The following AIG1 variants were observed in gnomAD, a reference collection of about 807,000 sequenced individuals.
AIG1 encodes the protein androgen induced 1.
A neutral mutation model predicts 31.4 loss-of-function variants in AIG1; 23 were observed. The ratio of observed to expected loss-of-function variants is 0.73; its 90% CI spans 0.53 to 1.04. The LOEUF (loss-of-function observed/expected upper bound fraction) is 1.04. Ranked by LOEUF, AIG1 falls within the 50% of genes least tolerant of loss-of-function variation. The pLI, the probability that AIG1 is intolerant of heterozygous loss-of-function variation, is 0.00. For synonymous variants in AIG1, 100 were observed against 110.5 expected, an observed-to-expected ratio of 0.90 and a Z score of 0.60; for missense variants, 274 against 295.0, an observed-to-expected ratio of 0.93 and a Z score of 0.52.
Position 143,060,981 on chromosome 6 carries a change from C to G in AIG1, c.56C>G (p.Ser19Cys). The change falls in exon 1 of 6, where the codon TCT becomes TGT. Residue 19 changes from serine (S) to cysteine (C), a missense_variant. Transcript: ENST00000357847. ...ATGGCAATCCTGCTGTCTTACTGCT[C>G]TATCCTGTGTAACTACAAGGCCATC... ...LRMAILLSYCSILCNYKAIEM... is the reference protein window; with the variant it reads ...LRMAILLSYCCILCNYKAIEM... 1.9e-6 allele frequency: 3 copies of G among 1,613,196 alleles called. No homozygotes were observed. Among genetic ancestry groups the G allele is most frequent in the Non-Finnish European group, 2.5e-6 (3 of 1,179,850 alleles).
intron 1 of AIG1, among the ~76,000 whole-genome samples, chr6:143,127,418 G>A (rs1782786539): frequency 6.6e-6 from 1 of 151,938 alleles, no homozygotes; most frequent in Admixed American, 6.6e-5. Context: ...ACAAATCTAT[G>A]GTGTTCTTTA....
intron 3 of AIG1, among the ~76,000 whole-genome samples, chr6:143,165,462 T>C (rs1405914197): frequency 1.3e-5 from 2 of 152,144 alleles, no homozygotes; most frequent in African/African-American, 2.4e-5. Context: ...ATTAGCCAAT[T>C]CTGGGATGAA....
intron 3 of AIG1, among the ~76,000 whole-genome samples, chr6:143,269,282 A>G (rs997924674): frequency 1.1e-4 from 16 of 152,262 alleles, no homozygotes; most frequent in Non-Finnish European, 5.9e-5. Context: ...TTAAAGGGCA[A>G]GCATGAGAAT....
At position 143,339,670 on chromosome 6, in the gene AIG1, G is replaced by T; in HGVS notation, c.711G>T (p.Leu237Phe). 1 of 1,613,188 alleles carries T rather than the reference G, an allele frequency of 6.2e-7. No homozygotes were observed. Among genetic ancestry groups the T allele is most frequent in the Non-Finnish European group, 8.5e-7 (1 of 1,179,610 alleles). Residue 237 changes from leucine to phenylalanine, a missense_variant, in exon 6 of 6, where the codon TTG becomes TTT. Physicochemically the swap from Leu to Phe is conservative, Grantham distance 22. Coordinates refer to ENST00000357847, the MANE Select transcript of AIG1 (RefSeq NM_016108.4). The stretch of plus-strand genomic sequence containing the variant: ...AAGAAGAGAAAGAAAAGCCTAAATT[G>T]GAATGAGATCCAAGTCTAAACGCAA... ...SMEEEKEKPK[L>F]E
At position 143,331,575 on chromosome 6, in the gene AIG1, A is replaced by G. The variant is rs1777072075; in HGVS notation, c.516-1707A>G. ...GGCTGAGTAATATTCCATTGCATGC[A>G]TATGCCACATTTGATTGTTTGTTCA... On this transcript the variant is annotated intron_variant, in intron 4 of 5. Coordinates refer to ENST00000357847, the MANE Select transcript of AIG1 (RefSeq NM_016108.4). The surrounding 1 kb of genome is among the most constrained non-coding windows in gnomAD (Gnocchi z 4.1). 6.6e-6 allele frequency among the ~76,000 whole-genome samples: 1 copy of G among 152,114 alleles called. No homozygotes were observed. The highest frequency in any genetic ancestry group is 1.5e-5 in the Non-Finnish European group (1 of 68,042).
At chr6:143,282,742 T>C (rs1251083420) in intron 3 of AIG1, among the ~76,000 whole-genome samples, 1 of 152,224 alleles carries the variant, frequency 6.6e-6, no homozygotes, top group Non-Finnish European at 1.5e-5. Context: ...TCTTAATATT[T>C]CTTACAAAAT....
At chr6:143,305,724 G>T (rs950664656) in intron 4 of AIG1, among the ~76,000 whole-genome samples, 56 of 152,264 alleles carry the variant, frequency 3.7e-4, no homozygotes, top group Non-Finnish European at 6.3e-4. Context: ...GAAGAGTTCT[G>T]TAGATGTCTA....
intron 4 of AIG1, among the ~76,000 whole-genome samples, chr6:143,323,569 T>A (rs1583871584): frequency 1.3e-5 from 2 of 152,232 alleles, no homozygotes; most frequent in African/African-American, 4.8e-5. Context: ...CTCCTTCTAT[T>A]TGAAATTGAT....
chr6:143,119,445 A>G (rs568339962), intron 1 of AIG1, among the ~76,000 whole-genome samples: 130 of 152,356 alleles, frequency 8.5e-4, no homozygotes, highest in African/African-American at 3.1e-3. Flanking sequence ...ACACAAGTCC[A>G]AAAGTGCACA....
chr6:143,116,416 A>G (rs1313477003), intron 1 of AIG1, among the ~76,000 whole-genome samples: 1 of 152,106 alleles, frequency 6.6e-6, no homozygotes, highest in Non-Finnish European at 1.5e-5. Context: ...CCATTTGGCA[A>G]GTATTTATTG....
intron 2 of AIG1, among the ~76,000 whole-genome samples, chr6:143,153,430 C>T (rs1169551532): frequency 6.6e-6 from 1 of 152,208 alleles, no homozygotes; most frequent in Non-Finnish European, 1.5e-5. Context: ...TCACTGCAAG[C>T]TCCACCTCCC....
intron 3 of AIG1, among the ~76,000 whole-genome samples, chr6:143,281,511 C>T (rs888395022): frequency 4.6e-5 from 7 of 152,134 alleles, no homozygotes; most frequent in African/African-American, 1.7e-4. Flanking sequence ...TTTCATGTAG[C>T]TGTAGTTCTA....
chr6:143,322,812 A>C (rs116505895), intron 4 of AIG1, among the ~76,000 whole-genome samples: 2 of 152,356 alleles, frequency 1.3e-5, no homozygotes, highest in Middle Eastern at 3.4e-3. Flanking sequence ...TCTGGGAGGC[A>C]TTCACAATTT....
intron 2 of AIG1, among the ~76,000 whole-genome samples, chr6:143,146,874 C>G (rs914424656): frequency 5.9e-5 from 9 of 152,154 alleles, no homozygotes; most frequent in African/African-American, 2.2e-4. Context: ...ATAGGACTTT[C>G]ATTCATTGTA....
At chr6:143,277,167 T>C (rs767924107) in intron 3 of AIG1, among the ~76,000 whole-genome samples, 7 of 152,246 alleles carry the variant, frequency 4.6e-5, no homozygotes, top group Non-Finnish European at 1.0e-4. Context: ...AATTTCTTCT[T>C]GCTTTATTTC....
At chr6:143,213,508 CTTTTT>C (rs746350692) in intron 3 of AIG1, among the ~76,000 whole-genome samples, 2 of 61,198 alleles carry the variant, frequency 3.3e-5, no homozygotes, top group Non-Finnish European at 7.0e-5. Context: ...TTTCTTTCTT[CTTTTT>C]TTTTTTTTTT....
chr6:143,301,793 G>A (rs1223409307), intron 4 of AIG1, among the ~76,000 whole-genome samples: 1 of 152,138 alleles, frequency 6.6e-6, no homozygotes, highest in Non-Finnish European at 1.5e-5. Context: ...TGGGAACACA[G>A]AGCCAAACCA....
intron 1 of AIG1, among the ~76,000 whole-genome samples, chr6:143,102,507 C>A (rs915608518): frequency 2.1e-5 from 3 of 144,366 alleles, no homozygotes; most frequent in South Asian, 2.1e-4. Flanking sequence ...TAATATGATA[C>A]ATAATATATA....
At chr6:143,189,332 C>T in intron 3 of AIG1, 1 of 885,790 alleles carries the variant, frequency 1.1e-6, no homozygotes, top group African/African-American at 1.8e-5. Flanking sequence ...CCTCCTGCCT[C>T]AGCCTTCCTG....
Sources: gnomAD v4.1 joint callset for allele counts (sites outside exome capture counted in the v4.1 genomes callset) on GRCh38, gnomAD v4.1.1 for gene constraint, Gnocchi (gnomAD v3.1) non-coding constraint, MANE v1.5 for transcripts, NCBI Gene and HGNC (gene_info 2026-07-23, HGNC 2026-07-21) for gene names.